Variants in ADGRL2 observed in about 807,000 individuals in gnomAD.
ADGRL2 encodes adhesion G protein-coupled receptor L2.
Under a neutral mutation model 157.4 loss-of-function variants are expected in ADGRL2, and 44 were observed. The observed-to-expected ratio is 0.28, with a 90% CI of 0.22 to 0.36. The LOEUF (loss-of-function observed/expected upper bound fraction) is 0.36, where lower values mean the gene tolerates loss of function less well. ADGRL2 is among the 10% of genes least tolerant of loss of function. The probability of loss-of-function intolerance (pLI) is 1.00; values close to 1 mark genes in which losing one functional copy is unlikely to be tolerated. For missense variants in ADGRL2, 1,510 were observed against 1,768.9 expected (o/e 0.85, Z 2.63); for synonymous variants, 585 against 624.7 (o/e 0.94, Z 0.95).
intron 2 of ADGRL2, among the ~76,000 whole-genome samples, chr1:81,869,140 C>G (rs3790929): frequency 0.8 from 121,498 of 152,024 alleles, 49,445 homozygotes; most frequent in East Asian, 0.96. Flanking sequence ...TTTGTGCAAC[C>G]TGGATGAATG....
intron 3 of ADGRL2, among the ~76,000 whole-genome samples, chr1:81,910,273 A>ATAATAATAATAATAATAATAATAC (rs1408035940): frequency 6.8e-6 from 1 of 147,760 alleles, no homozygotes; most frequent in African/African-American, 2.5e-5. Context: ...AATAATAATA[A>ATAATAATAATAATAATAATAATAC]TACTACAATT....
chr1:81,948,143 G>A (rs1291536167), intron 6 of ADGRL2, among the ~76,000 whole-genome samples: 2 of 151,512 alleles, frequency 1.3e-5, no homozygotes, highest in African/African-American at 2.4e-5. Context: ...CTTGAACGCA[G>A]GAGGCGGAGG....
At chr1:81,427,021 T>C (rs752339995) in intron 1 of ADGRL2, 10 of 1,050,926 alleles carry the variant, frequency 9.5e-6, no homozygotes, top group East Asian at 4.7e-5. Flanking sequence ...AATACCACAG[T>C]TGATAACATT....
rs1664884747 is a variant in ADGRL2 at position 81,993,085 on chromosome 1, ATATTTTT to A, written c.*1942_*1948del. On this transcript the variant is annotated 3_prime_UTR_variant, in exon 24 of 24. Coordinates refer to ENST00000686636, the MANE Select transcript of ADGRL2 (RefSeq NM_001366006.2). The stretch of plus-strand genomic sequence containing the variant: ...TATATATATATATATATATATATAT[ATATTTTT>A]TTTTTTTTTTTTTTTTTTTTTTTTT... 6.2e-5 allele frequency among the ~76,000 whole-genome samples: 2 copies of A among 32,112 alleles called. No homozygotes were observed. Among genetic ancestry groups the A allele is most frequent in the Non-Finnish European group, 9.9e-5 (2 of 20,298 alleles). 21.1% of individuals were successfully genotyped at this position (32,112 alleles called of 152,430 possible).
chr1:81,482,918 T>C (rs1462957245), intron 2 of ADGRL2, among the ~76,000 whole-genome samples: 1 of 152,038 alleles, frequency 6.6e-6, no homozygotes, highest in Non-Finnish European at 1.5e-5. Context: ...TACACCACAC[T>C]AATTTTATTT....
At chr1:81,402,182 T>C (rs1223701582) in intron 1 of ADGRL2, among the ~76,000 whole-genome samples, 1 of 152,214 alleles carries the variant, frequency 6.6e-6, no homozygotes, top group Non-Finnish European at 1.5e-5. Context: ...CTCCCTATAC[T>C]GTGGGGTCCT....
At chr1:81,685,280 T>C (rs1314343799) in intron 3 of ADGRL2, among the ~76,000 whole-genome samples, 1 of 152,220 alleles carries the variant, frequency 6.6e-6, no homozygotes, top group Non-Finnish European at 1.5e-5. Context: ...TAGGATGTGT[T>C]TCCATTAGTT....
intron 1 of ADGRL2, among the ~76,000 whole-genome samples, chr1:81,802,305 G>C (rs773944144): frequency 6.6e-5 from 10 of 152,078 alleles, no homozygotes; most frequent in Non-Finnish European, 1.3e-4. Context: ...CTCCAGTCCG[G>C]GGGTGGATGC....
intron 3 of ADGRL2, among the ~76,000 whole-genome samples, chr1:81,645,995 CA>C (rs2082308635): frequency 1.3e-5 from 2 of 152,122 alleles, no homozygotes; most frequent in Non-Finnish European, 2.9e-5. Context: ...TTGATGTTAT[CA>C]AAAAACTTAA....
At position 81,970,305 on chromosome 1, in the gene ADGRL2, C is replaced by G. The variant is rs1053207026; in HGVS notation, c.2734-9C>G. On this transcript the variant is annotated splice_polypyrimidine_tract_variant and intron_variant, in intron 15 of 23. Transcript: ENST00000686636. ...TTTCTTTTGTGTTTTTTGTTCTTTTCCCCCGTAGATTGCATGCCCAATATT... is the reference window on the plus strand; with the variant it reads ...TTTCTTTTGTGTTTTTTGTTCTTTTGCCCCGTAGATTGCATGCCCAATATT... 2 of 1,598,374 alleles carry G rather than the reference C, an allele frequency of 1.3e-6. No homozygotes were observed. Among genetic ancestry groups the G allele is most frequent in the Non-Finnish European group, 1.7e-6 (2 of 1,168,378 alleles).
chr1:81,342,343 T>C (rs1013208759), intron 1 of ADGRL2, among the ~76,000 whole-genome samples: 2 of 152,226 alleles, frequency 1.3e-5, no homozygotes, highest in African/African-American at 2.4e-5. Context: ...ATTAATCAAA[T>C]CAAATTAAAT....
intron 1 of ADGRL2, chr1:81,427,067 T>C (rs981578198): frequency 3.5e-6 from 5 of 1,418,438 alleles, no homozygotes; most frequent in East Asian, 2.3e-5. Context: ...ATGGGCATAA[T>C]TGTGAAGTGA....
At chr1:81,593,208 A>T (rs1307527506) in intron 3 of ADGRL2, among the ~76,000 whole-genome samples, 3 of 152,226 alleles carry the variant, frequency 2.0e-5, no homozygotes, top group Admixed American at 2.0e-4. Context: ...GGGAGCAATT[A>T]CAAGAAATAT....
chr1:81,487,604 C>T (rs1018523541), intron 2 of ADGRL2, among the ~76,000 whole-genome samples: 2 of 151,852 alleles, frequency 1.3e-5, no homozygotes, highest in African/African-American at 2.4e-5. Flanking sequence ...GAGATGGCGC[C>T]ACTGAACTCC....
At chr1:81,696,548 A>G (rs544759716), upstream of ADGRL2, among the ~76,000 whole-genome samples, 14 of 151,906 alleles carry the variant, frequency 9.2e-5, no homozygotes, top group Admixed American at 5.3e-4. Flanking sequence ...GTCAGGAGAT[A>G]GAGATCATCC....
chr1:81,971,108 A>G (rs1477090062), intron 16 of ADGRL2, among the ~76,000 whole-genome samples: 1 of 152,186 alleles, frequency 6.6e-6, no homozygotes, highest in Non-Finnish European at 1.5e-5. Context: ...TATTTGCTAG[A>G]GGCATGAATT....
chr1:81,596,725 T>A (rs1389374325), intron 3 of ADGRL2, among the ~76,000 whole-genome samples: 1 of 152,150 alleles, frequency 6.6e-6, no homozygotes, highest in East Asian at 1.9e-4. Flanking sequence ...TTAAAATGTA[T>A]CAAGCAACAG....
chr1:81,567,202 G>C (rs185051693), intron 2 of ADGRL2, among the ~76,000 whole-genome samples: 1 of 152,010 alleles, frequency 6.6e-6, no homozygotes, highest in Non-Finnish European at 1.5e-5. Context: ...ATCTAGTCCT[G>C]CACTGTTCAA....
chr1:81,968,871 T>C (rs1036294983), intron 14 of ADGRL2, among the ~76,000 whole-genome samples: 9 of 152,362 alleles, frequency 5.9e-5, no homozygotes, highest in Non-Finnish European at 1.2e-4. Context: ...TATTCTGTCA[T>C]GTAAATAGTT....
Sources: gnomAD v4.1 joint callset for allele counts (sites outside exome capture counted in the v4.1 genomes callset) on GRCh38, gnomAD v4.1.1 for gene constraint, MANE v1.5 for transcripts, NCBI Gene and HGNC (gene_info 2026-07-23, HGNC 2026-07-21) for gene names.